JAKMIP2: variants seen among roughly 807,000 people sequenced by gnomAD.
JAKMIP2 encodes the protein janus kinase and microtubule interacting protein 2, also known as janus kinase and microtubule-interacting protein 2.
In JAKMIP2, 25 loss-of-function variants were observed where a neutral mutation model predicts 115.0. The ratio of observed to expected loss-of-function variants is 0.22; its 90% CI spans 0.16 to 0.30. The LOEUF (loss-of-function observed/expected upper bound fraction) is 0.30, where lower values mean the gene tolerates loss of function less well. Among genes scored for constraint, JAKMIP2 ranks in the 10% least tolerant of loss-of-function variants. The pLI is 1.00. For missense variants in JAKMIP2, 642 were observed against 957.6 expected, an observed-to-expected ratio of 0.67 and a Z score of 4.35; for synonymous variants, 334 against 343.6, an observed-to-expected ratio of 0.97 and a Z score of 0.31.
chr5:147,623,125 G>A (rs961754022), intron 17 of JAKMIP2, among the ~76,000 whole-genome samples: 2 of 152,032 alleles, frequency 1.3e-5, no homozygotes, highest in Admixed American at 1.3e-4. Flanking sequence ...ATGTTGTCCA[G>A]GCTGGTCTCC....
At chr5:147,770,398 G>T (rs1405882773) in intron 1 of JAKMIP2, among the ~76,000 whole-genome samples, 1 of 152,052 alleles carries the variant, frequency 6.6e-6, no homozygotes, top group Non-Finnish European at 1.5e-5. Flanking sequence ...AAAAGGAAAA[G>T]AAAGGACAAT....
intron 7 of JAKMIP2, 48 bp from the exon 8 acceptor site, chr5:147,641,812 C>T: frequency 6.8e-7 from 1 of 1,472,308 alleles, no homozygotes. Flanking sequence ...GTAGATGTTT[C>T]TTTATAGTTT....
chr5:147,603,058 A>T (rs1215806370), intron 20 of JAKMIP2, among the ~76,000 whole-genome samples: 1 of 152,136 alleles, frequency 6.6e-6, no homozygotes, highest in Non-Finnish European at 1.5e-5. Context: ...TATTTCTATG[A>T]GAAGATCAGA....
At chr5:147,709,706 C>T (rs559444802) in intron 1 of JAKMIP2, among the ~76,000 whole-genome samples, 1 of 151,992 alleles carries the variant, frequency 6.6e-6, no homozygotes, top group Non-Finnish European at 1.5e-5. Flanking sequence ...AAAATTGAGA[C>T]AGGAGTGGTG....
intron 1 of JAKMIP2, among the ~76,000 whole-genome samples, chr5:147,764,000 C>G (rs1467486096): frequency 6.6e-6 from 1 of 152,026 alleles, no homozygotes; most frequent in Non-Finnish European, 1.5e-5. Flanking sequence ...ACTTAGAGAC[C>G]AAGAGACAGA....
intron 1 of JAKMIP2, among the ~76,000 whole-genome samples, chr5:147,733,624 C>G (rs1268321033): frequency 6.6e-6 from 1 of 152,116 alleles, no homozygotes; most frequent in Non-Finnish European, 1.5e-5. Context: ...ACTCTCCCAC[C>G]CGCTGACAGG....
At position 147,586,200 on chromosome 5, in the gene JAKMIP2, G is replaced by GA. The variant is rs1448045056; in HGVS notation, c.*5506dup. The GA allele has an allele frequency of 2.0e-5, 3 of 152,134 alleles. No homozygotes were observed. Among genetic ancestry groups the GA allele is most frequent in the East Asian group, 1.9e-4 (1 of 5,186 alleles). 9.4% of individuals were successfully genotyped at this position (152,134 alleles called of 1,614,324 possible). ...TCCCAGCAGAAGCAGCAGCAGCGCAGAAAAAACCTTTCTTGAAGTCCTGCA... is the reference window on the plus strand; with the variant it reads ...TCCCAGCAGAAGCAGCAGCAGCGCAGAAAAAAACCTTTCTTGAAGTCCTGCA... On this transcript the variant is annotated 3_prime_UTR_variant, in exon 22 of 22. Coordinates refer to ENST00000616793, the MANE Select transcript of JAKMIP2 (RefSeq NM_001270941.2).
intron 1 of JAKMIP2, among the ~76,000 whole-genome samples, chr5:147,762,617 T>C (rs1310279064): frequency 3.9e-5 from 6 of 152,036 alleles, no homozygotes; most frequent in Non-Finnish European, 8.8e-5. Context: ...ACATGTCGTA[T>C]TGGATTAGGA....
At chr5:147,609,319 T>C (rs923929950) in intron 20 of JAKMIP2, among the ~76,000 whole-genome samples, 2 of 152,186 alleles carry the variant, frequency 1.3e-5, no homozygotes, top group Non-Finnish European at 2.9e-5. Context: ...GGTACCAGAT[T>C]TCCTTTCCAT....
chr5:147,615,369 T>C (rs975128403), intron 19 of JAKMIP2, among the ~76,000 whole-genome samples: 11 of 152,094 alleles, frequency 7.2e-5, no homozygotes, highest in African/African-American at 2.2e-4. Context: ...GGATGAGCAA[T>C]TATGCAACAA....
intron 1 of JAKMIP2, among the ~76,000 whole-genome samples, chr5:147,716,612 T>TTCA (rs1753010692): frequency 6.6e-6 from 1 of 152,016 alleles, no homozygotes; most frequent in African/African-American, 2.4e-5. Flanking sequence ...TGAGCATTTT[T>TTCA]TCATGTGTTT....
chr5:147,701,846 G>A (rs1752337758), intron 1 of JAKMIP2, among the ~76,000 whole-genome samples: 1 of 152,100 alleles, frequency 6.6e-6, no homozygotes, highest in Non-Finnish European at 1.5e-5. Flanking sequence ...AAAACTGTGA[G>A]CAATAAATTC....
chr5:147,652,265 T>C (rs983253907), intron 3 of JAKMIP2, among the ~76,000 whole-genome samples: 1 of 152,218 alleles, frequency 6.6e-6, no homozygotes, highest in African/African-American at 2.4e-5. Flanking sequence ...TTTAATGGAA[T>C]CTTCTAACTA....
intron 21 of JAKMIP2, among the ~76,000 whole-genome samples, chr5:147,598,010 A>G (rs1191349728): frequency 7.3e-6 from 1 of 136,988 alleles, no homozygotes; most frequent in Non-Finnish European, 1.6e-5. Context: ...TTTTTTCTTT[A>G]TTTTTTGAGA....
intron 2 of JAKMIP2, among the ~76,000 whole-genome samples, chr5:147,668,901 T>C (rs1187165555): frequency 6.6e-6 from 1 of 152,206 alleles, no homozygotes; most frequent in East Asian, 1.9e-4. Flanking sequence ...TTCAATAAGT[T>C]GTAGCTATTT....
chr5:147,635,573 T>C (rs1235693560), intron 12 of JAKMIP2, among the ~76,000 whole-genome samples: 1 of 152,168 alleles, frequency 6.6e-6, no homozygotes, highest in Non-Finnish European at 1.5e-5. Flanking sequence ...TTTGTTTTGT[T>C]TTTTGGAGAT....
chr5:147,609,866 A>C (rs1401424325), intron 20 of JAKMIP2, among the ~76,000 whole-genome samples: 1 of 152,002 alleles, frequency 6.6e-6, no homozygotes, highest in Non-Finnish European at 1.5e-5. Context: ...CATATTTCTT[A>C]GAAGCTTTGT....
chr5:147,643,967 G>A, intron 7 of JAKMIP2, 91 bp downstream of exon 7: 1 of 1,117,826 alleles, frequency 8.9e-7, no homozygotes. Context: ...GGCCTCTGGG[G>A]TTAAACTAAA....
chr5:147,700,497 T>C (rs1223029986), intron 1 of JAKMIP2, among the ~76,000 whole-genome samples: 1 of 152,144 alleles, frequency 6.6e-6, no homozygotes, highest in Non-Finnish European at 1.5e-5. Context: ...CTAATATATG[T>C]CTCATGCAGT....
Sources: allele counts gnomAD v4.1 joint callset (sites outside exome capture counted in the v4.1 genomes callset), GRCh38; gene constraint gnomAD v4.1.1; transcripts MANE v1.5; gene names NCBI Gene and HGNC (gene_info 2026-07-23, HGNC 2026-07-21).